The following NKAIN2 variants were observed in gnomAD, a reference collection of about 807,000 sequenced individuals.
NKAIN2 encodes the protein sodium/potassium transporting ATPase interacting 2, also known as sodium/potassium-transporting ATPase subunit beta-1-interacting protein 2.
In NKAIN2, 14 loss-of-function variants were observed where a neutral mutation model predicts 32.6. The observed-to-expected ratio is 0.43, with a 90% CI of 0.28 to 0.67. The LOEUF (loss-of-function observed/expected upper bound fraction) is 0.67, where lower values mean the gene tolerates loss of function less well. Ranked by LOEUF, NKAIN2 falls within the 30% of genes least tolerant of loss-of-function variation. The pLI is 0.17. For synonymous variants in NKAIN2, 80 were observed against 87.2 expected, an observed-to-expected ratio of 0.92 and a Z score of 0.46; for missense variants, 198 against 258.3, an observed-to-expected ratio of 0.77 and a Z score of 1.60.
At chr6:124,039,105 T>C (rs935166175) in intron 1 of NKAIN2, among the ~76,000 whole-genome samples, 12 of 152,202 alleles carry the variant, frequency 7.9e-5, no homozygotes, top group African/African-American at 2.4e-4. Flanking sequence ...TTATAGTATT[T>C]ACCTAATTGG....
intron 2 of NKAIN2, among the ~76,000 whole-genome samples, chr6:124,302,771 A>G (rs1796342085): frequency 6.6e-6 from 1 of 152,232 alleles, no homozygotes; most frequent in Non-Finnish European, 1.5e-5. Context: ...AAAACTTAGA[A>G]GAAACATCCA....
At chr6:124,622,252 C>T (rs1364778031) in intron 3 of NKAIN2, among the ~76,000 whole-genome samples, 4 of 152,112 alleles carry the variant, frequency 2.6e-5, no homozygotes. Context: ...TCTCTTCTTC[C>T]GGTTTTTATA....
chr6:124,020,089 C>T (rs1278875982), intron 1 of NKAIN2, among the ~76,000 whole-genome samples: 1 of 152,066 alleles, frequency 6.6e-6, no homozygotes, highest in Non-Finnish European at 1.5e-5. Context: ...CTCTTTCCTT[C>T]CTTATGATAT....
chr6:124,526,670 A>G (rs189487236), intron 3 of NKAIN2, among the ~76,000 whole-genome samples: 1 of 152,326 alleles, frequency 6.6e-6, no homozygotes, highest in Admixed American at 6.5e-5. Context: ...GGAAGCTGCA[A>G]GTGAAAATGA....
At chr6:124,037,686 T>A (rs1170267815) in intron 1 of NKAIN2, among the ~76,000 whole-genome samples, 1 of 152,150 alleles carries the variant, frequency 6.6e-6, no homozygotes, top group Non-Finnish European at 1.5e-5. Context: ...CATGTTATAA[T>A]AACATTTGTC....
chr6:124,387,919 G>A (rs893541205), intron 3 of NKAIN2, among the ~76,000 whole-genome samples: 9 of 152,076 alleles, frequency 5.9e-5, no homozygotes, highest in Non-Finnish European at 1.3e-4. Flanking sequence ...GGTAGTTCTC[G>A]ACTAGAGGCA....
intron 1 of NKAIN2, among the ~76,000 whole-genome samples, chr6:123,888,183 T>G (rs1773820770): frequency 6.6e-6 from 1 of 152,116 alleles, no homozygotes. Flanking sequence ...AATGTTGTTT[T>G]TAATATTGCA....
intron 1 of NKAIN2, among the ~76,000 whole-genome samples, chr6:124,149,324 T>C (rs1462772962): frequency 2.6e-5 from 4 of 152,240 alleles, no homozygotes; most frequent in African/African-American, 9.6e-5. Context: ...TTGTCACATG[T>C]ACTTTTAGTG....
chr6:124,399,590 C>T (rs988144404), intron 3 of NKAIN2, among the ~76,000 whole-genome samples: 2 of 152,104 alleles, frequency 1.3e-5, no homozygotes, highest in African/African-American at 2.4e-5. Flanking sequence ...AGTTGGGTGG[C>T]GGTGAGTCAG....
chr6:124,312,555 A>G (rs572670837), intron 2 of NKAIN2, among the ~76,000 whole-genome samples: 12 of 152,292 alleles, frequency 7.9e-5, no homozygotes, highest in African/African-American at 2.9e-4. Context: ...AGAGATGCAA[A>G]AGGCAGGGTG....
intron 3 of NKAIN2, among the ~76,000 whole-genome samples, chr6:124,654,992 T>C (rs1186179119): frequency 6.6e-6 from 1 of 152,164 alleles, no homozygotes; most frequent in African/African-American, 2.4e-5. Context: ...ATATAGTTAC[T>C]GTATTAGAAA....
At chr6:124,292,022 T>A (rs1454129676) in intron 2 of NKAIN2, among the ~76,000 whole-genome samples, 1 of 152,172 alleles carries the variant, frequency 6.6e-6, no homozygotes, top group African/African-American at 2.4e-5. Context: ...TCTTGATGCT[T>A]TTCAACATTT....
chr6:124,154,830 A>G (rs1188340806), intron 1 of NKAIN2, among the ~76,000 whole-genome samples: 2 of 152,104 alleles, frequency 1.3e-5, no homozygotes, highest in African/African-American at 4.8e-5. Flanking sequence ...ATATACAAAA[A>G]CAAAAATATT....
At chr6:124,591,790 A>T (rs1781923039) in intron 3 of NKAIN2, among the ~76,000 whole-genome samples, 1 of 152,074 alleles carries the variant, frequency 6.6e-6, no homozygotes. Flanking sequence ...TTTGAGATTT[A>T]AAAAAAGGAA....
intron 1 of NKAIN2, among the ~76,000 whole-genome samples, chr6:124,042,910 G>C (rs1007817652): frequency 6.6e-6 from 1 of 151,952 alleles, no homozygotes; most frequent in Admixed American, 6.6e-5. Context: ...TGAATGTTAG[G>C]ACAAATGGAA....
At chr6:124,511,181 T>C (rs1778696760) in intron 3 of NKAIN2, among the ~76,000 whole-genome samples, 1 of 152,190 alleles carries the variant, frequency 6.6e-6, no homozygotes, top group South Asian at 2.1e-4. Context: ...TTTCCAGAGA[T>C]TGGTTTTAAT....
At chr6:124,718,102 A>C (rs2114624200) in intron 4 of NKAIN2, among the ~76,000 whole-genome samples, 1 of 152,294 alleles carries the variant, frequency 6.6e-6, no homozygotes, top group East Asian at 1.9e-4. Context: ...ATACTATGAA[A>C]TTCACCAAAA....
intron 1 of NKAIN2, among the ~76,000 whole-genome samples, chr6:124,093,573 A>T (rs1170460878): frequency 1.3e-5 from 2 of 152,134 alleles, no homozygotes; most frequent in Non-Finnish European, 2.9e-5. Context: ...ATAGCAGGGG[A>T]ATCTCACATT....
chr6:124,766,414 T>G, intron 4 of NKAIN2, among the ~76,000 whole-genome samples: 1 of 152,136 alleles, frequency 6.6e-6, no homozygotes, highest in South Asian at 2.1e-4. Flanking sequence ...ACATACCAAC[T>G]TCCTCTGAAA....
Sources: gnomAD v4.1 joint callset for allele counts (sites outside exome capture counted in the v4.1 genomes callset) on GRCh38, gnomAD v4.1.1 for gene constraint, MANE v1.5 for transcripts, NCBI Gene and HGNC (gene_info 2026-07-23, HGNC 2026-07-21) for gene names.